The following USP6NL variants were observed in gnomAD, a reference collection of about 807,000 sequenced individuals.
USP6NL encodes the protein USP6 N-terminal like, also known as USP6 N-terminal-like protein.
USP6NL carries 26 observed loss-of-function variants against 61.9 expected under a neutral mutation model. The ratio of observed to expected loss-of-function variants is 0.42; its 90% CI spans 0.31 to 0.58. The LOEUF (loss-of-function observed/expected upper bound fraction) is 0.58, where lower values mean the gene tolerates loss of function less well. Among genes scored for constraint, USP6NL ranks in the 20% least tolerant of loss-of-function variants. USP6NL has a pLI of 0.16. For synonymous variants in USP6NL, 432 were observed against 390.1 expected, an observed-to-expected ratio of 1.11 and a Z score of -1.27; for missense variants, 1,114 against 1,034.3, an observed-to-expected ratio of 1.08 and a Z score of -1.06.
chr10:11,501,848 T>C (rs1411539828), intron 6 of USP6NL, among the ~76,000 whole-genome samples: 1 of 152,222 alleles, frequency 6.6e-6, no homozygotes, highest in African/African-American at 2.4e-5. Flanking sequence ...TTGCTATTTC[T>C]TCAGGAAAAC....
intron 7 of USP6NL, among the ~76,000 whole-genome samples, chr10:11,493,826 C>T (rs544132830): frequency 2.0e-5 from 3 of 150,786 alleles, no homozygotes; most frequent in African/African-American, 4.9e-5. Flanking sequence ...CCTGCCTGTA[C>T]GGCCTGATCT....
intron 2 of USP6NL, among the ~76,000 whole-genome samples, chr10:11,550,550 G>T (rs1836442686): frequency 6.6e-6 from 1 of 152,090 alleles, no homozygotes. Flanking sequence ...GAGGTCAGGA[G>T]TTCAAGACCA....
chr10:11,555,433 AATAT>A lies in USP6NL; in HGVS notation c.5-27870_5-27867del, dbSNP rs1157927483. On this transcript the variant is annotated intron_variant, in intron 2 of 14. Coordinates refer to ENST00000609104, the MANE Select transcript of USP6NL (RefSeq NM_014688.5). The stretch of plus-strand genomic sequence containing the variant: ...TCGGTCTTAAAAAAAAAAAAAAAAA[AATAT>A]ATATATATATATATAGAGAGAGAGA... Among the ~76,000 whole-genome samples the A allele has an allele frequency of 5.3e-3, 261 of 48,958 alleles. 6 individuals are homozygous for A. The highest frequency in any genetic ancestry group is 0.022 in the African/African-American group (233 of 10,582). 32.1% of individuals were successfully genotyped at this position (48,958 alleles called of 152,430 possible).
At chr10:11,530,479 T>C (rs1835613358) in intron 2 of USP6NL, among the ~76,000 whole-genome samples, 1 of 152,248 alleles carries the variant, frequency 6.6e-6, no homozygotes, top group African/African-American at 2.4e-5. Context: ...TTATTGGAAT[T>C]GGATGAAATT....
intron 2 of USP6NL, among the ~76,000 whole-genome samples, chr10:11,533,460 G>C (rs774682255): frequency 6.6e-6 from 1 of 152,208 alleles, no homozygotes; most frequent in Non-Finnish European, 1.5e-5. Flanking sequence ...TAAGGATCTT[G>C]AGTTCAGAGA....
chr10:11,514,357 T>C (rs1424895016), intron 5 of USP6NL, among the ~76,000 whole-genome samples: 1 of 152,216 alleles, frequency 6.6e-6, no homozygotes, highest in Non-Finnish European at 1.5e-5. Flanking sequence ...GGTTTTTTTT[T>C]CTATCATTCC....
At position 11,474,222 on chromosome 10, in the gene USP6NL, A is replaced by G. The variant is rs956752821; in HGVS notation, c.1078+7548T>C. ...GTATTTAGAATTTTCTGTGTTTTAT[A>G]TATTTATATTTCAGAGAATTTGGCC... On this transcript the variant is annotated intron_variant, in intron 14 of 14. Coordinates refer to ENST00000609104, the MANE Select transcript of USP6NL (RefSeq NM_014688.5). This position sits in a 1 kb window ranked among gnomAD's most constrained non-coding sequence, Gnocchi z 4.9. Among the ~76,000 whole-genome samples the G allele has an allele frequency of 6.6e-6, 1 of 152,230 alleles. No homozygotes were observed. The highest frequency in any genetic ancestry group is 2.4e-5 in the African/African-American group (1 of 41,456).
chr10:11,555,461 G>GT lies in USP6NL; in HGVS notation c.5-27895_5-27894insA, dbSNP rs1836669855. ...ATATATATATATATATAGAGAGAGA[G>GT]AGAGAGAGAAAGAGAGAGAGAGAGA... is the stretch of plus-strand genomic sequence containing the variant. On this transcript the variant is annotated intron_variant, in intron 2 of 14. Coordinates refer to ENST00000609104, the MANE Select transcript of USP6NL (RefSeq NM_014688.5). Among the ~76,000 whole-genome samples, 5 of 88,854 alleles carry GT rather than the reference G, an allele frequency of 5.6e-5. No individual in the cohort carries two copies. In the South Asian group the frequency reaches 2.1e-3, roughly 38 times the overall value. 58.3% of individuals were successfully genotyped at this position (88,854 alleles called of 152,430 possible).
In USP6NL at chr10:11,574,596, G is replaced by A. The variant is rs1485634394; in HGVS notation, c.4+23035C>T. Among the ~76,000 whole-genome samples, 2 of 152,186 alleles carry A rather than the reference G, an allele frequency of 1.3e-5. No individual in the cohort carries two copies. The highest frequency in any genetic ancestry group is 4.8e-5 in the African/African-American group (2 of 41,440). ...AACTAAAAGAGAAAAATGACACTCAGGTGAACATGGCTAAATGCTATGTTT... is the reference window on the plus strand; with the variant it reads ...AACTAAAAGAGAAAAATGACACTCAAGTGAACATGGCTAAATGCTATGTTT... On this transcript the variant is annotated intron_variant, in intron 2 of 14. Transcript: ENST00000609104. This position sits in a 1 kb window ranked among gnomAD's most constrained non-coding sequence, Gnocchi z 4.3.
Position 11,499,100 on chromosome 10 carries a change from G to C in USP6NL, c.384+2001C>G, listed in dbSNP as rs1334320211. Among the ~76,000 whole-genome samples the C allele has an allele frequency of 6.6e-6, 1 of 152,168 alleles. No individual in the cohort carries two copies. The highest frequency in any genetic ancestry group is 1.5e-5 in the Non-Finnish European group (1 of 68,026). On this transcript the variant is annotated intron_variant, in intron 7 of 14. Coordinates refer to ENST00000609104, the MANE Select transcript of USP6NL (RefSeq NM_014688.5). The surrounding 1 kb of genome is among the most constrained non-coding windows in gnomAD (Gnocchi z 4.5). ...TGGGTCCAAATAATTTCACCCATCT[G>C]AGAAAAGTCTCGGCAGATTAAGAGA...
At chr10:11,594,619 A>T (rs2133654688) in intron 2 of USP6NL, among the ~76,000 whole-genome samples, 1 of 152,332 alleles carries the variant, frequency 6.6e-6, no homozygotes, top group East Asian at 1.9e-4. Flanking sequence ...ATGTGGAGTC[A>T]GAACATCACA....
In USP6NL at chr10:11,595,847, T is replaced by C. The variant is rs1384371225; in HGVS notation, c.4+1784A>G. On this transcript the variant is annotated intron_variant, in intron 2 of 14. Transcript: ENST00000609104. This position sits in a 1 kb window ranked among gnomAD's most constrained non-coding sequence, Gnocchi z 5.3. ...CAAAGAGATAAAATAACAGAACCAA[T>C]TGTTTTAAGTGGACATGAAAAAGAA... is the stretch of plus-strand genomic sequence containing the variant. Among the ~76,000 whole-genome samples the C allele has an allele frequency of 3.3e-5, 5 of 152,150 alleles. No individual in the cohort carries two copies. Among genetic ancestry groups the C allele is most frequent in the African/African-American group, 1.2e-4 (5 of 41,432 alleles).
chr10:11,601,743 G>C (rs1838538635), intron 1 of USP6NL, among the ~76,000 whole-genome samples: 1 of 152,198 alleles, frequency 6.6e-6, no homozygotes, highest in African/African-American at 2.4e-5. Flanking sequence ...ACAAGTGATA[G>C]CCATTCCAAC....
At chr10:11,509,949 C>G (rs1834629515) in intron 5 of USP6NL, among the ~76,000 whole-genome samples, 1 of 152,084 alleles carries the variant, frequency 6.6e-6, no homozygotes. Flanking sequence ...GTGTATTCTA[C>G]AAATTTAAAC....
At position 11,474,017 on chromosome 10, in the gene USP6NL, C is replaced by T. The variant is rs1438194012; in HGVS notation, c.1078+7753G>A. Among the ~76,000 whole-genome samples, 5 of 152,070 alleles carry T rather than the reference C, an allele frequency of 3.3e-5. No homozygotes were observed. The highest frequency in any genetic ancestry group is 4.4e-5 in the Non-Finnish European group (3 of 68,016). On this transcript the variant is annotated intron_variant, in intron 14 of 14. Transcript: ENST00000609104. This position sits in a 1 kb window ranked among gnomAD's most constrained non-coding sequence, Gnocchi z 4.9. ...GGCACCACCTTCGAGATAATAAAGGCGGTGCCACCCGATGGAACTCACCTG... is the reference window on the plus strand; with the variant it reads ...GGCACCACCTTCGAGATAATAAAGGTGGTGCCACCCGATGGAACTCACCTG...
chr10:11,602,003 G>A lies in USP6NL; in HGVS notation c.-83-4286C>T, dbSNP rs796120726. Among the ~76,000 whole-genome samples, 3 of 151,838 alleles carry A rather than the reference G, an allele frequency of 2.0e-5. No individual in the cohort carries two copies. The highest frequency in any genetic ancestry group is 4.4e-5 in the Non-Finnish European group (3 of 67,968). ...CCCCTAAAAAAGAAAGAAAAAAAAA[G>A]AAGAAAATGTCCTTCATTGATGTAT... On this transcript the variant is annotated intron_variant, in intron 1 of 14. Transcript: ENST00000609104. The surrounding 1 kb of genome is among the most constrained non-coding windows in gnomAD (Gnocchi z 4.8).
chr10:11,489,355 T>C lies in USP6NL; in HGVS notation c.544-133A>G. 8.6e-7 allele frequency: 1 copy of C among 1,158,446 alleles called. No individual in the cohort carries two copies. Among genetic ancestry groups the C allele is most frequent in the Non-Finnish European group, 1.2e-6 (1 of 844,932 alleles). The allele number at this position is 1,158,446 out of a possible 1,614,324, so 71.8% of individuals were successfully genotyped here. On this transcript the variant is annotated intron_variant, in intron 9 of 14. Coordinates refer to ENST00000609104, the MANE Select transcript of USP6NL (RefSeq NM_014688.5). This position sits in a 1 kb window ranked among gnomAD's most constrained non-coding sequence, Gnocchi z 5.7. ...TTTAATGGTCCATTCTAGAGACAAA[T>C]ACTATACTCTTTACAGTATTATGCC... is the stretch of plus-strand genomic sequence containing the variant.
intron 2 of USP6NL, among the ~76,000 whole-genome samples, chr10:11,576,665 T>G (rs139429104): frequency 1.3e-5 from 2 of 152,316 alleles, no homozygotes; most frequent in Admixed American, 6.5e-5. Flanking sequence ...CTTCTATTGT[T>G]TGTAAGCTAT....
chr10:11,512,885 G>A (rs1451753923), intron 5 of USP6NL, among the ~76,000 whole-genome samples: 1 of 152,146 alleles, frequency 6.6e-6, no homozygotes, highest in Non-Finnish European at 1.5e-5. Context: ...GTTCAAATCT[G>A]AGTTCTGTCC....
Sources: gnomAD v4.1 joint callset for allele counts (sites outside exome capture counted in the v4.1 genomes callset) on GRCh38, gnomAD v4.1.1 for gene constraint, Gnocchi (gnomAD v3.1) non-coding constraint, MANE v1.5 for transcripts, NCBI Gene and HGNC (gene_info 2026-07-23, HGNC 2026-07-21) for gene names.